The following CD164L2 variants were observed in gnomAD, a reference collection of about 807,000 sequenced individuals.
CD164L2 encodes CD164 molecule like 2.
A neutral mutation model predicts 23.9 loss-of-function variants in CD164L2; 21 were observed. The ratio of observed to expected loss-of-function variants is 0.88; its 90% CI spans 0.62 to 1.27. CD164L2 has a LOEUF of 1.27. Ranked by LOEUF, CD164L2 falls within the 50% of genes most tolerant of loss-of-function variation. The pLI, the probability that CD164L2 is intolerant of heterozygous loss-of-function variation, is 0.00. For missense variants in CD164L2, 230 were observed against 224.8 expected (o/e 1.02, Z -0.15); for synonymous variants, 92 against 90.2 (o/e 1.02, Z -0.11).
intron 5 of CD164L2, chr1:27,379,757 G>C (rs974097777): frequency 6.9e-7 from 1 of 1,439,588 alleles, no homozygotes. Flanking sequence ...GCTTGCCTGG[G>C]CTGGCACCTA....
intron 3 of CD164L2, 59 bp downstream of exon 3, chr1:27,382,269 G>T: frequency 6.2e-7 from 1 of 1,614,114 alleles, no homozygotes; most frequent in East Asian, 2.2e-5. Flanking sequence ...TCCTCCTGGG[G>T]GGCAGGCTAT....
Position 27,382,186 on chromosome 1 carries a change from A to C in CD164L2, c.328+142T>G, listed in dbSNP as rs2148078094. The C allele has an allele frequency of 2.5e-6, 4 of 1,582,982 alleles. No homozygotes were observed. In the East Asian group the frequency reaches 9.3e-5, roughly 37 times the overall value. On this transcript the variant is annotated intron_variant, in intron 3 of 5. Coordinates refer to ENST00000374030, the MANE Select transcript of CD164L2 (RefSeq NM_001330448.1). Reference sequence around the variant, plus strand: ...AGGCAGAGAGAGGAGGGGACTTCTCAGTGAGCTAAAGGCAGAACTGATACC... The same window carrying C: ...AGGCAGAGAGAGGAGGGGACTTCTCCGTGAGCTAAAGGCAGAACTGATACC...
At chr1:27,382,103 G>A (rs2016345860) in intron 3 of CD164L2, 1 of 1,486,420 alleles carries the variant, frequency 6.7e-7, no homozygotes. Context: ...TAAACTAGAA[G>A]AAGAGCTAAC....
Position 27,382,417 on chromosome 1 carries a change from AG to A in CD164L2, c.257-19del. The A allele has an allele frequency of 6.3e-7, 1 of 1,590,726 alleles. No homozygotes were observed. The highest frequency in any genetic ancestry group is 8.6e-7 in the Non-Finnish European group (1 of 1,164,350). On this transcript the variant is annotated intron_variant, in intron 2 of 5. Coordinates refer to ENST00000374030, the MANE Select transcript of CD164L2 (RefSeq NM_001330448.1). ...ACAGTGTCCTGGTGAGAGAAGGTGCAGGGGGGAGGTTTGGGGAGAGGGGCCA... is the reference window on the plus strand; with the variant it reads ...ACAGTGTCCTGGTGAGAGAAGGTGCAGGGGGAGGTTTGGGGAGAGGGGCCA...
chr1:27,381,877 A>G, intron 3 of CD164L2, 53 bp from the exon 4 acceptor site: 1 of 1,605,686 alleles, frequency 6.2e-7, no homozygotes, highest in East Asian at 2.2e-5. Context: ...CCTGACTCCC[A>G]TCAAGACCCC....
Position 27,383,263 on chromosome 1 carries a change from G to A in CD164L2, c.-24C>T, listed in dbSNP as rs1378405135. 6.2e-6 allele frequency: 9 copies of A among 1,458,360 alleles called. No individual in the cohort carries two copies. Among genetic ancestry groups the A allele is most frequent in the Non-Finnish European group, 8.4e-6 (9 of 1,074,930 alleles). 90.3% of individuals were successfully genotyped at this position (1,458,360 alleles called of 1,614,324 possible). On this transcript the variant is annotated 5_prime_UTR_variant, in exon 1 of 6. Coordinates refer to ENST00000374030, the MANE Select transcript of CD164L2 (RefSeq NM_001330448.1). Reference sequence around the variant, plus strand: ...ATGGGCTCGCGGGGTGGGGGTGGCCGGGGGCGGTGGCCGGGATCGGTGGAC... The same window carrying A: ...ATGGGCTCGCGGGGTGGGGGTGGCCAGGGGCGGTGGCCGGGATCGGTGGAC...
Position 27,380,038 on chromosome 1 carries a change from G to A in CD164L2, c.518+13C>T. On this transcript the variant is annotated intron_variant, in intron 5 of 5. Transcript: ENST00000374030. The stretch of plus-strand genomic sequence containing the variant: ...GCTGGGACTCAGGTACTTGCTGCTG[G>A]CCAGGTACTCACAGCGTCTGGTAGG... 1 of 1,612,900 alleles carries A rather than the reference G, an allele frequency of 6.2e-7. No homozygotes were observed. Among genetic ancestry groups the A allele is most frequent in the South Asian group, 1.1e-5 (1 of 90,942 alleles).
In CD164L2 at chr1:27,382,538, G is replaced by A. The variant is rs1210718109; in HGVS notation, c.218C>T (p.Ser73Phe). ...CCGGCACTGCTCCCACACGCAGCTG[G>A]AGAGATTGCGCGCTCCGTCTCCCTC... is the stretch of plus-strand genomic sequence containing the variant. The part of the protein sequence containing the change: ...CVEGDGARNL[S>F]SCVWEQCRPE... The change falls in exon 2 of 6, where the codon TCC becomes TTC. Residue 73 changes from serine to phenylalanine, a missense_variant. By Grantham distance (155) the Ser-to-Phe change is radical. Coordinates refer to ENST00000374030, the MANE Select transcript of CD164L2 (RefSeq NM_001330448.1). The A allele has an allele frequency of 6.2e-7, 1 of 1,613,642 alleles. No homozygotes were observed.
rs908514221 is a variant in CD164L2 at position 27,379,217 on chromosome 1, A to C, written c.*286T>G. ...TTTATTTGGGGGCAGTGCCCAGGCC[A>C]GTTGGTGGAAAGAGGCAGGCATACA... On this transcript the variant is annotated 3_prime_UTR_variant, in exon 6 of 6. Transcript: ENST00000374030. 2.1e-5 allele frequency: 12 copies of C among 558,154 alleles called. No homozygotes were observed. Among genetic ancestry groups the C allele is most frequent in the Non-Finnish European group, 3.2e-5 (10 of 310,008 alleles). The allele number at this position is 558,154 out of a possible 1,614,324, so 34.6% of individuals were successfully genotyped here.
At position 27,379,203 on chromosome 1, in the gene CD164L2, G is replaced by T; in HGVS notation, c.*300C>A. 2 of 538,264 alleles carry T rather than the reference G, an allele frequency of 3.7e-6. No homozygotes were observed. Among genetic ancestry groups the T allele is most frequent in the South Asian group, 2.2e-5 (1 of 45,290 alleles). The allele number at this position is 538,264 out of a possible 1,614,324, so 33.3% of individuals were successfully genotyped here. A position where few individuals can be genotyped will look rare whatever the true frequency, so the allele number is the denominator to read the frequency against. On this transcript the variant is annotated 3_prime_UTR_variant, in exon 6 of 6. Transcript: ENST00000374030. ...CAGTGCAGAGTTCCTTTATTTGGGG[G>T]CAGTGCCCAGGCCAGTTGGTGGAAA...
intron 4 of CD164L2, 69 bp downstream of exon 4, chr1:27,381,711 C>T (rs2016337483): frequency 1.3e-6 from 2 of 1,563,180 alleles, no homozygotes; most frequent in Non-Finnish European, 8.7e-7. Context: ...CATGTCAGTG[C>T]CTGAGCCCAG....
intron 1 of CD164L2, 131 bp downstream of exon 1, chr1:27,383,021 C>T: frequency 1.4e-6 from 1 of 723,918 alleles, no homozygotes; most frequent in South Asian, 1.8e-5. Flanking sequence ...CCTCTCCCAC[C>T]CCTGGAGGCC....
At position 27,383,281 on chromosome 1, in the gene CD164L2, C is replaced by G. The variant is rs868788896; in HGVS notation, c.-42G>C. 303 of 1,280,308 alleles carry G rather than the reference C, an allele frequency of 2.4e-4. No individual in the cohort carries two copies. In the African/African-American group the frequency reaches 4.0e-3, roughly 17 times the overall value. 79.3% of individuals were successfully genotyped at this position (1,280,308 alleles called of 1,614,324 possible). A position where few individuals can be genotyped will look rare whatever the true frequency, so the allele number is the denominator to read the frequency against. On this transcript the variant is annotated 5_prime_UTR_variant, in exon 1 of 6. Transcript: ENST00000374030. ...GGTGGCCGGGGGCGGTGGCCGGGAT[C>G]GGTGGACAGCTGCCGGGCGCGTCCC...
At chr1:27,379,764 C>T in intron 5 of CD164L2, 1 of 1,437,052 alleles carries the variant, frequency 7.0e-7, no homozygotes, top group Non-Finnish European at 9.1e-7. Flanking sequence ...TGGGCTGGCA[C>T]CTACTGGTTC....
In CD164L2 at chr1:27,382,545, T is replaced by C. The variant is rs553077725; in HGVS notation, c.211A>G (p.Asn71Asp). 3.7e-6 allele frequency: 6 copies of C among 1,613,724 alleles called. No individual in the cohort carries two copies. The East Asian group carries it at 1.3e-4, about 36-fold the overall frequency. The change falls in exon 2 of 6, where the codon AAT becomes GAT. Residue 71 changes from asparagine to aspartate, a missense_variant. Transcript: ENST00000374030. ...EHCVEGDGAR[N>D]LSSCVWEQCR... is the part of the protein sequence containing the mutation. ...TGCTCCCACACGCAGCTGGAGAGAT[T>C]GCGCGCTCCGTCTCCCTCCACGCAG...
Position 27,382,628 on chromosome 1 carries a change from C to G in CD164L2, c.128G>C (p.Arg43Pro). The G allele has an allele frequency of 1.2e-5, 19 of 1,612,760 alleles. No individual in the cohort carries two copies. The highest frequency in any genetic ancestry group is 1.6e-5 in the Non-Finnish European group (19 of 1,179,844). Residue 43 changes from arginine (R) to proline (P), a missense_variant, in exon 2 of 6, where the codon CGC becomes CCC. Physicochemically the swap from Arg to Pro is moderately radical, Grantham distance 103 (BLOSUM62 -2). Coordinates refer to ENST00000374030, the MANE Select transcript of CD164L2 (RefSeq NM_001330448.1). Reference protein sequence around the residue: ...ARGFGRGALIRLNIWPAVQGA... With the variant: ...ARGFGRGALIPLNIWPAVQGA... ...TTGGACCGCCGGCCAGATATTCAGG[C>G]GGATCAGGGCTCCCCTCCCAAAGCC...
Position 27,380,147 on chromosome 1 carries a change from C to G in CD164L2, c.422G>C (p.Ser141Thr). Residue 141 changes from serine (S) to threonine (T), a missense_variant, in exon 5 of 6, where the codon AGC (serine) becomes ACC (threonine). Transcript: ENST00000374030. ...EAHSPGFDGA[S>T]FIGGVVLVLS... ...CACCAGCACGACACCTCCGATAAAG[C>G]TGGCCCCGTCAAATCCAGGGCTGTG... 6.2e-7 allele frequency: 1 copy of G among 1,614,188 alleles called. No homozygotes were observed. Among genetic ancestry groups the G allele is most frequent in the Non-Finnish European group, 8.5e-7 (1 of 1,180,014 alleles).
chr1:27,381,450 T>A (rs1430538217), intron 4 of CD164L2, among the ~76,000 whole-genome samples: 1 of 152,078 alleles, frequency 6.6e-6, no homozygotes, highest in East Asian at 1.9e-4. Flanking sequence ...CCTGAGCAAC[T>A]CGAGCCACAC....
At chr1:27,381,902 G>A (rs888383795) in intron 3 of CD164L2, 78 bp from the exon 4 acceptor site, 130 of 1,561,818 alleles carry the variant, frequency 8.3e-5, no homozygotes, top group Middle Eastern at 6.7e-4. Flanking sequence ...CCCACTCACC[G>A]CTAAACTTCC....
Sources: allele counts gnomAD v4.1 joint callset (sites outside exome capture counted in the v4.1 genomes callset), GRCh38; gene constraint gnomAD v4.1.1; transcripts MANE v1.5; gene names NCBI Gene and HGNC (gene_info 2026-07-23, HGNC 2026-07-21).